The following ITGA8 variants were observed in gnomAD, a reference collection of about 807,000 sequenced individuals.
The protein encoded by ITGA8 is integrin subunit alpha 8.
Under a neutral mutation model 142.3 loss-of-function variants are expected in ITGA8, and 91 were observed. The observed-to-expected ratio is 0.64, with a 90% CI of 0.54 to 0.76. The LOEUF (loss-of-function observed/expected upper bound fraction) is 0.76. ITGA8 is among the 30% of genes least tolerant of loss of function. The probability of loss-of-function intolerance (pLI) is 0.00; values close to 1 mark genes in which losing one functional copy is unlikely to be tolerated. For missense variants in ITGA8, 1,406 were observed against 1,327.7 expected (o/e 1.06, Z -0.92); for synonymous variants, 505 against 485.2 (o/e 1.04, Z -0.54).
At chr10:15,558,641 T>C (rs1222832078) in intron 25 of ITGA8, among the ~76,000 whole-genome samples, 1 of 152,180 alleles carries the variant, frequency 6.6e-6, no homozygotes, top group East Asian at 1.9e-4. Flanking sequence ...CAACCTCATT[T>C]GGGGAAACAG....
At chr10:15,611,692 C>CATATTAGCCAGG (rs1554777626) in intron 15 of ITGA8, among the ~76,000 whole-genome samples, 4 of 151,518 alleles carry the variant, frequency 2.6e-5, no homozygotes, top group Non-Finnish European at 4.4e-5. Context: ...AGGGTTTCAC[C>CATATTAGCCAGG]ATGGTCTCGA....
At chr10:15,699,966 T>G (rs1036919822) in intron 2 of ITGA8, among the ~76,000 whole-genome samples, 1 of 152,240 alleles carries the variant, frequency 6.6e-6, no homozygotes, top group Non-Finnish European at 1.5e-5. Flanking sequence ...TTCTGTGAAG[T>G]GCCAGTTTAT....
chr10:15,586,352 C>A (rs1023743771), intron 23 of ITGA8, among the ~76,000 whole-genome samples: 3 of 151,970 alleles, frequency 2.0e-5, no homozygotes, highest in Admixed American at 1.3e-4. Context: ...AGCCACCGCG[C>A]CTGGCATAAA....
chr10:15,707,380 A>G (rs934777534), intron 2 of ITGA8, among the ~76,000 whole-genome samples: 4 of 152,216 alleles, frequency 2.6e-5, no homozygotes, highest in Admixed American at 2.6e-4. Flanking sequence ...AAAGGATCCC[A>G]GAGCCAAGGA....
intron 27 of ITGA8, among the ~76,000 whole-genome samples, chr10:15,532,670 A>G (rs370541914): frequency 6.6e-6 from 1 of 152,046 alleles, no homozygotes; most frequent in East Asian, 1.9e-4. Flanking sequence ...CTTTTGTTGG[A>G]TACAATGGTT....
At chr10:15,699,916 T>C (rs1835130947) in intron 2 of ITGA8, among the ~76,000 whole-genome samples, 1 of 152,230 alleles carries the variant, frequency 6.6e-6, no homozygotes, top group Non-Finnish European at 1.5e-5. Flanking sequence ...TTAGTAAGGC[T>C]GATCATCCTT....
In ITGA8 at chr10:15,683,951, C is replaced by A; in HGVS notation, c.568+53G>T. On this transcript the variant is annotated intron_variant, in intron 4 of 29. Transcript: ENST00000378076. ...TTGAGCCTACCTGCACTCCTGTCTACGATAGAAAAGCACTTGAGCTAATGT... is the reference window on the plus strand; with the variant it reads ...TTGAGCCTACCTGCACTCCTGTCTAAGATAGAAAAGCACTTGAGCTAATGT... 1.9e-6 allele frequency: 3 copies of A among 1,608,582 alleles called. No homozygotes were observed. In the South Asian group the frequency reaches 3.3e-5, roughly 18 times the overall value.
chr10:15,696,407 C>T (rs1835053351), intron 2 of ITGA8, among the ~76,000 whole-genome samples: 1 of 151,698 alleles, frequency 6.6e-6, no homozygotes, highest in Non-Finnish European at 1.5e-5. Flanking sequence ...TGTAAGAGTC[C>T]CCAAATCAAT....
chr10:15,584,732 A>G (rs1414326284), intron 23 of ITGA8, among the ~76,000 whole-genome samples: 1 of 152,178 alleles, frequency 6.6e-6, no homozygotes, highest in Non-Finnish European at 1.5e-5. Context: ...CTGCATTTTC[A>G]TCCAGAGTAG....
At chr10:15,523,337 T>A (rs1833104348) in intron 28 of ITGA8, among the ~76,000 whole-genome samples, 1 of 152,164 alleles carries the variant, frequency 6.6e-6, no homozygotes, top group East Asian at 1.9e-4. Flanking sequence ...GTAGCAGTGA[T>A]GAAAAAGTAT....
chr10:15,696,200 A>G (rs1254903815), intron 2 of ITGA8, among the ~76,000 whole-genome samples: 1 of 152,230 alleles, frequency 6.6e-6, no homozygotes, highest in Non-Finnish European at 1.5e-5. Flanking sequence ...CCGGGAGAGG[A>G]TGGAGCCCGT....
intron 25 of ITGA8, among the ~76,000 whole-genome samples, chr10:15,564,393 C>T (rs969791082): frequency 3.3e-5 from 5 of 152,322 alleles, no homozygotes; most frequent in African/African-American, 7.2e-5. Context: ...GGGTGGAGGA[C>T]GCTGGCCTCT....
intron 11 of ITGA8, among the ~76,000 whole-genome samples, chr10:15,652,795 C>G (rs1406499018): frequency 6.6e-6 from 1 of 152,190 alleles, no homozygotes; most frequent in East Asian, 1.9e-4. Flanking sequence ...ATTGCTCATA[C>G]AGAGTCATTC....
At chr10:15,660,951 G>T in intron 8 of ITGA8, 29 bp from the exon 9 acceptor site, 1 of 1,591,286 alleles carries the variant, frequency 6.3e-7, no homozygotes, top group Non-Finnish European at 8.6e-7. Flanking sequence ...ATTTAGAAGG[G>T]GAATTACTCA....
chr10:15,519,303 A>G lies in ITGA8; in HGVS notation c.3092T>C (p.Leu1031Ser). Residue 1031 changes from leucine to serine, a missense_variant, in exon 29 of 30, where the codon TTA becomes TCA. Leu to Ser is a moderately radical substitution (Grantham distance 145). Coordinates refer to ENST00000378076, the MANE Select transcript of ITGA8 (RefSeq NM_003638.3). ...AAATCAACTTACCTTCCATAAAGCT[A>G]AGGTTAAAATGGCGAGAACCAACAA... ...LGLLVLAILT[L>S]ALWKCGFFDR... The G allele has an allele frequency of 6.2e-7, 1 of 1,613,704 alleles. No individual in the cohort carries two copies. Among genetic ancestry groups the G allele is most frequent in the Non-Finnish European group, 8.5e-7 (1 of 1,179,834 alleles).
At chr10:15,652,294 T>C (rs576355564) in intron 11 of ITGA8, among the ~76,000 whole-genome samples, 22 of 152,336 alleles carry the variant, frequency 1.4e-4, no homozygotes, top group African/African-American at 5.1e-4. Context: ...AAGGCGAAGC[T>C]TGGGCAAAGT....
chr10:15,661,597 C>G (rs889659252), intron 8 of ITGA8, among the ~76,000 whole-genome samples: 2 of 152,180 alleles, frequency 1.3e-5, no homozygotes, highest in East Asian at 1.9e-4. Flanking sequence ...CTTCTTGAGT[C>G]TGCGTGTGAT....
intron 11 of ITGA8, among the ~76,000 whole-genome samples, chr10:15,651,530 A>AC (rs1834084756): frequency 3.4e-4 from 49 of 146,216 alleles, no homozygotes; most frequent in Non-Finnish European, 3.2e-4. Context: ...ACTTATTGAC[A>AC]GTTTTTTTTT....
At chr10:15,666,038 T>C (rs1834385429) in intron 8 of ITGA8, among the ~76,000 whole-genome samples, 1 of 152,280 alleles carries the variant, frequency 6.6e-6, no homozygotes, top group African/African-American at 2.4e-5. Flanking sequence ...AAGTAGTTTT[T>C]TTCCAATTCT....
Sources: allele counts gnomAD v4.1 joint callset (sites outside exome capture counted in the v4.1 genomes callset), GRCh38; gene constraint gnomAD v4.1.1; transcripts MANE v1.5; gene names NCBI Gene and HGNC (gene_info 2026-07-23, HGNC 2026-07-21).